SLC8A1: variants seen among roughly 807,000 people sequenced by gnomAD.
The protein encoded by SLC8A1 is solute carrier family 8 member A1, also known as sodium/calcium exchanger 1.
A neutral mutation model predicts 68.3 loss-of-function variants in SLC8A1; 18 were observed. The observed-to-expected ratio is 0.26, with a 90% CI of 0.18 to 0.39. The LOEUF (loss-of-function observed/expected upper bound fraction) is 0.39. SLC8A1 is among the 10% of genes least tolerant of loss of function. The pLI, the probability that SLC8A1 is intolerant of heterozygous loss-of-function variation, is 1.00. For missense variants in SLC8A1, 985 were observed against 1,156.7 expected (o/e 0.85, Z 2.15); for synonymous variants, 475 against 415.5 (o/e 1.14, Z -1.74).
intron 2 of SLC8A1, among the ~76,000 whole-genome samples, chr2:40,414,112 C>T (rs944382672): frequency 6.6e-6 from 1 of 152,174 alleles, no homozygotes; most frequent in African/African-American, 2.4e-5. Context: ...AAATGTGTTG[C>T]TCATGCTCTT....
At chr2:40,155,378 C>T (rs1336608728) in intron 6 of SLC8A1, among the ~76,000 whole-genome samples, 3 of 152,168 alleles carry the variant, frequency 2.0e-5, no homozygotes, top group Non-Finnish European at 4.4e-5. Flanking sequence ...ATCCACCTGC[C>T]TCGGCCTCCC....
At chr2:40,224,505 G>C (rs1315240172) in intron 2 of SLC8A1, among the ~76,000 whole-genome samples, 1 of 152,104 alleles carries the variant, frequency 6.6e-6, no homozygotes, top group Non-Finnish European at 1.5e-5. Flanking sequence ...ACTGTGCTAA[G>C]TGGCTTGAGG....
chr2:40,364,906 G>A (rs1177956574), intron 2 of SLC8A1, among the ~76,000 whole-genome samples: 1 of 151,952 alleles, frequency 6.6e-6, no homozygotes, highest in Non-Finnish European at 1.5e-5. Context: ...AACAGCTTTG[G>A]AGTGTGTGCA....
chr2:40,336,494 C>G (rs777638689), intron 2 of SLC8A1, among the ~76,000 whole-genome samples: 2 of 152,142 alleles, frequency 1.3e-5, no homozygotes, highest in Non-Finnish European at 2.9e-5. Flanking sequence ...GAGGGCTCCT[C>G]AAGAGTTCCA....
chr2:40,238,464 C>T (rs1303940940), intron 2 of SLC8A1, among the ~76,000 whole-genome samples: 5 of 151,800 alleles, frequency 3.3e-5, no homozygotes, highest in East Asian at 3.9e-4. Flanking sequence ...TGCTTCGGCT[C>T]GCACACGGTG....
chr2:40,196,976 GA>G (rs2053169846), intron 2 of SLC8A1, among the ~76,000 whole-genome samples: 2 of 152,170 alleles, frequency 1.3e-5, no homozygotes, highest in East Asian at 3.9e-4. Context: ...ATATTCTGCA[GA>G]GGGGGTGTTC....
At chr2:40,115,458 G>T in exon 8 of SLC8A1, 1 of 1,614,214 alleles carries the variant, frequency 6.2e-7, no homozygotes, top group Non-Finnish European at 8.5e-7. Flanking sequence ...GAAAGCTAGT[G>T]TGCCAGGGGA....
intron 2 of SLC8A1, among the ~76,000 whole-genome samples, chr2:40,225,490 A>G (rs1339976752): frequency 6.6e-6 from 1 of 152,068 alleles, no homozygotes; most frequent in Non-Finnish European, 1.5e-5. Context: ...TTTTCTTTAA[A>G]CAAAAGAATG....
chr2:40,200,240 AT>A (rs1230294604), intron 2 of SLC8A1, among the ~76,000 whole-genome samples: 2 of 11,454 alleles, frequency 1.7e-4, no homozygotes, highest in Non-Finnish European at 2.5e-4. Context: ...ATATATATAA[AT>A]ATATATATAT....
chr2:40,119,138 G>A (rs2036207719), intron 7 of SLC8A1, among the ~76,000 whole-genome samples: 1 of 152,082 alleles, frequency 6.6e-6, no homozygotes, highest in South Asian at 2.1e-4. Context: ...GTTGCATAAG[G>A]ATTCTTACTT....
intron 2 of SLC8A1, among the ~76,000 whole-genome samples, chr2:40,311,828 A>G (rs2110743): frequency 0.2 from 29,692 of 152,004 alleles, 4,171 homozygotes; most frequent in African/African-American, 0.39. Context: ...CAGTTTCTAC[A>G]ACAAATATCA....
At chr2:40,199,142 A>AGAT (rs1462097738) in intron 2 of SLC8A1, among the ~76,000 whole-genome samples, 1 of 151,914 alleles carries the variant, frequency 6.6e-6, no homozygotes, top group African/African-American at 2.4e-5. Context: ...GAAGCTAAAA[A>AGAT]GATGTCCATG....
At chr2:40,266,444 G>A (rs547076841) in intron 2 of SLC8A1, among the ~76,000 whole-genome samples, 15 of 152,210 alleles carry the variant, frequency 9.9e-5, no homozygotes, top group Admixed American at 4.6e-4. Context: ...ATTAAGGTTG[G>A]GGTAAAGACC....
At chr2:40,249,891 G>GA (rs59382150) in intron 2 of SLC8A1, among the ~76,000 whole-genome samples, 1 of 151,958 alleles carries the variant, frequency 6.6e-6, no homozygotes, top group Non-Finnish European at 1.5e-5. Context: ...GATTTTAATT[G>GA]AAAAAAATAT....
chr2:40,244,364 C>T (rs1418953462), intron 2 of SLC8A1, among the ~76,000 whole-genome samples: 1 of 152,086 alleles, frequency 6.6e-6, no homozygotes, highest in Non-Finnish European at 1.5e-5. Context: ...AATTTCCCAA[C>T]AACACTAAGG....
chr2:40,436,541 G>A lies in SLC8A1; in HGVS notation c.-24-6237C>T, dbSNP rs146246016. On this transcript the variant is annotated intron_variant, in intron 1 of 7. Coordinates refer to ENST00000406785, the Ensembl canonical transcript of SLC8A1. ...CTGACATTTTCCCCACAACCTGGGT[G>A]TGTGTCTTCCAGCATCAGCCCTGGC... Among the ~76,000 whole-genome samples, 210 of 152,222 alleles carry A rather than the reference G, an allele frequency of 1.4e-3. 1 individual carries two copies. Among genetic ancestry groups the A allele is most frequent in the African/African-American group, 4.7e-3 (197 of 41,544 alleles).
At chr2:40,194,440 G>C (rs1558696348) in intron 2 of SLC8A1, among the ~76,000 whole-genome samples, 1 of 149,534 alleles carries the variant, frequency 6.7e-6, no homozygotes, top group East Asian at 2.0e-4. Flanking sequence ...CGATCACTAA[G>C]AAAAATGACT....
intron 2 of SLC8A1, among the ~76,000 whole-genome samples, chr2:40,354,054 C>T (rs1671944054): frequency 6.6e-6 from 1 of 152,170 alleles, no homozygotes; most frequent in South Asian, 2.1e-4. Flanking sequence ...TAGGAAAGAG[C>T]CCCAGAAATG....
At chr2:40,189,352 G>T (rs1205725632) in intron 2 of SLC8A1, among the ~76,000 whole-genome samples, 2 of 152,074 alleles carry the variant, frequency 1.3e-5, no homozygotes, top group African/African-American at 4.8e-5. Context: ...ACGGAGTCTC[G>T]CTCTGTCGCC....
Sources: allele counts gnomAD v4.1 joint callset (sites outside exome capture counted in the v4.1 genomes callset), GRCh38; gene constraint gnomAD v4.1.1; transcripts MANE v1.5; gene names NCBI Gene and HGNC (gene_info 2026-07-23, HGNC 2026-07-21).